DDX17: variants seen among roughly 807,000 people sequenced by gnomAD.
DDX17 encodes the protein probable ATP-dependent RNA helicase DDX17.
Under a neutral mutation model 80.8 loss-of-function variants are expected in DDX17, and 10 were observed. The observed-to-expected ratio is 0.12, with a 90% CI of 0.08 to 0.21. DDX17 has a LOEUF of 0.21. Ranked by LOEUF, DDX17 falls within the 10% of genes least tolerant of loss-of-function variation. The pLI, the probability that DDX17 is intolerant of heterozygous loss-of-function variation, is 1.00. For synonymous variants in DDX17, 339 were observed against 336.2 expected, an observed-to-expected ratio of 1.01 and a Z score of -0.09; for missense variants, 586 against 957.4, an observed-to-expected ratio of 0.61 and a Z score of 5.12.
intron 2 of DDX17, among the ~76,000 whole-genome samples, chr22:38,500,576 AG>A (rs2089817553): frequency 1.3e-5 from 2 of 152,008 alleles, no homozygotes; most frequent in Admixed American, 6.6e-5. Context: ...TGAGAGGCTG[AG>A]GCAGGTCGAT....
Position 38,489,970 on chromosome 22 carries a change from C to T in DDX17, c.1448-1855G>A. 3 of 1,012,264 alleles carry T rather than the reference C, an allele frequency of 3.0e-6. No individual in the cohort carries two copies. The highest frequency in any genetic ancestry group is 3.5e-6 in the Non-Finnish European group (3 of 845,518). The allele number at this position is 1,012,264 out of a possible 1,614,324, so 62.7% of individuals were successfully genotyped here. On this transcript the variant is annotated intron_variant, in intron 11 of 12. Coordinates refer to ENST00000403230, the MANE Select transcript of DDX17 (RefSeq NM_006386.5). The surrounding 1 kb of genome is among the most constrained non-coding windows in gnomAD (Gnocchi z 4.6). ...TACTACACTGGATGCGTTAAGTGTG[C>T]TTTCCTAGCAGAAAGCACCAGGGTG...
Position 38,486,408 on chromosome 22 carries a change from C to T in DDX17, c.1717G>A (p.Ala573Thr). The T allele has an allele frequency of 6.2e-7, 1 of 1,611,500 alleles. No individual in the cohort carries two copies. Among genetic ancestry groups the T allele is most frequent in the Non-Finnish European group, 8.5e-7 (1 of 1,178,760 alleles). The change falls in exon 13 of 13, where the codon GCC becomes ACC. Residue 573 changes from alanine to threonine, a missense_variant. By Grantham distance (58) the Ala-to-Thr change is moderately conservative. This residue lies in a region of DDX17 where 221 missense variants were observed against 261.4 expected (regional missense o/e 0.85). Transcript: ENST00000403230. ...TGATACATCAGATTGGGATTGTTGG[C>T]TGAAGAAGTGGTCCGGTAACGAGAA...
At chr22:38,488,512 G>A (rs962159187) in intron 11 of DDX17, 2 of 1,051,632 alleles carry the variant, frequency 1.9e-6, no homozygotes, top group South Asian at 3.4e-5. Flanking sequence ...GAAGTTATGA[G>A]GCCAAATCAC....
At chr22:38,496,071 A>C in intron 5 of DDX17, 134 bp from the exon 6 acceptor site, 1 of 753,358 alleles carries the variant, frequency 1.3e-6, no homozygotes, top group Non-Finnish European at 1.9e-6. Context: ...TGATGGGGTG[A>C]AGATCAGAAG....
chr22:38,494,568 T>G lies in DDX17; in HGVS notation c.1214+62A>C, dbSNP rs995246851. 3.3e-6 allele frequency: 5 copies of G among 1,520,966 alleles called. No individual in the cohort carries two copies. The African/African-American group carries it at 6.9e-5, about 21-fold the overall frequency. The allele number at this position is 1,520,966 out of a possible 1,614,324, so 94.2% of individuals were successfully genotyped here. ...TATACTGGTTTCTACAGTACTAATT[T>G]TGGAGGGTTATTAGAAAAGGTTTAT... On this transcript the variant is annotated intron_variant, in intron 8 of 12. Transcript: ENST00000403230.
intron 11 of DDX17, chr22:38,490,668 CT>C (rs765985866): frequency 3.0e-5 from 10 of 337,274 alleles, no homozygotes; most frequent in Non-Finnish European, 5.7e-5. Flanking sequence ...AATTGCACCC[CT>C]GTCTATGAGG....
intron 5 of DDX17, among the ~76,000 whole-genome samples, chr22:38,496,915 A>G (rs568732912): frequency 4.6e-5 from 7 of 152,348 alleles, no homozygotes; most frequent in East Asian, 1.9e-4. Flanking sequence ...ACTATGTATT[A>G]TAAGTACTGC....
At chr22:38,496,110 A>G (rs1014398919) in intron 5 of DDX17, among the ~76,000 whole-genome samples, 173 bp from the exon 6 acceptor site, 3 of 152,166 alleles carry the variant, frequency 2.0e-5, no homozygotes, top group Non-Finnish European at 4.4e-5. Context: ...TGGAATATAG[A>G]AAAAAATTAT....
rs2145718447 is a variant in DDX17 at position 38,506,262 on chromosome 22, G to A, written c.-25C>T. The A allele has an allele frequency of 1.9e-6, 3 of 1,579,436 alleles. No homozygotes were observed. The highest frequency in any genetic ancestry group is 1.1e-5 in the South Asian group (1 of 87,048). ...GGTTTGGCTACGCTCAAACCGGGCA[G>A]TGCCGCGGTTTAGGCGTCTCCTTCC... On this transcript the variant is annotated 5_prime_UTR_variant, in exon 1 of 13. Transcript: ENST00000403230.
Position 38,484,957 on chromosome 22 carries a change from GCTCTA to G in DDX17, c.*973_*977del, listed in dbSNP as rs2089640055. ...GTGGCAAAGAGTTGCTTTTAATCTA[GCTCTA>G]CACTGCATTTGAAAATAAAATTTGC... On this transcript the variant is annotated 3_prime_UTR_variant, in exon 13 of 13. Transcript: ENST00000403230. 6.6e-6 allele frequency: 1 copy of G among 152,194 alleles called. No homozygotes were observed. Among genetic ancestry groups the G allele is most frequent in the African/African-American group, 2.4e-5 (1 of 41,440 alleles). 9.4% of individuals were successfully genotyped at this position (152,194 alleles called of 1,614,324 possible).
In DDX17 at chr22:38,489,426, G is replaced by A; in HGVS notation, c.1448-1311C>T. 3.0e-6 allele frequency: 3 copies of A among 985,774 alleles called. No individual in the cohort carries two copies. Among genetic ancestry groups the A allele is most frequent in the Non-Finnish European group, 3.6e-6 (3 of 829,922 alleles). 61.1% of individuals were successfully genotyped at this position (985,774 alleles called of 1,614,324 possible). On this transcript the variant is annotated intron_variant, in intron 11 of 12. Transcript: ENST00000403230. The surrounding 1 kb of genome is among the most constrained non-coding windows in gnomAD (Gnocchi z 4.6). The stretch of plus-strand genomic sequence containing the variant: ...TGTGAACTGGCTTAGATGCTTCTCT[G>A]TAGCCCCATTTGGTTGCCAAGCGCC...
chr22:38,489,466 C>T lies in DDX17; in HGVS notation c.1448-1351G>A, dbSNP rs746758967. On this transcript the variant is annotated intron_variant, in intron 11 of 12. Coordinates refer to ENST00000403230, the MANE Select transcript of DDX17 (RefSeq NM_006386.5). This position sits in a 1 kb window ranked among gnomAD's most constrained non-coding sequence, Gnocchi z 4.6. ...TGCCAAGCGCCGGAGAACCTGGGTTCGGGTAAAAATTTCAGGTCCTCCAAC... is the reference window on the plus strand; with the variant it reads ...TGCCAAGCGCCGGAGAACCTGGGTTTGGGTAAAAATTTCAGGTCCTCCAAC... 7 of 985,358 alleles carry T rather than the reference C, an allele frequency of 7.1e-6. No individual in the cohort carries two copies. Among genetic ancestry groups the T allele is most frequent in the Middle Eastern group, 5.2e-4 (1 of 1,936 alleles). The allele number at this position is 985,358 out of a possible 1,614,324, so 61.0% of individuals were successfully genotyped here.
In DDX17 at chr22:38,486,984, A is replaced by G. The variant is rs561131165; in HGVS notation, c.1685-544T>C. On this transcript the variant is annotated intron_variant, in intron 12 of 12. Coordinates refer to ENST00000403230, the MANE Select transcript of DDX17 (RefSeq NM_006386.5). ...GGTCAGCAGTTCAAGACCAGCCAACATGGTGAAACCCTGTCTCTACAAAAA... is the reference window on the plus strand; with the variant it reads ...GGTCAGCAGTTCAAGACCAGCCAACGTGGTGAAACCCTGTCTCTACAAAAA... 3.9e-5 allele frequency among the ~76,000 whole-genome samples: 6 copies of G among 152,316 alleles called. No individual in the cohort carries two copies. In the South Asian group the frequency reaches 8.3e-4, roughly 21 times the overall value.
At chr22:38,494,371 T>G (rs1469671868) in intron 8 of DDX17, 1 of 590,786 alleles carries the variant, frequency 1.7e-6, no homozygotes, top group East Asian at 2.9e-5. Flanking sequence ...ATGAAGAAAC[T>G]GCAGCACCAA....
rs2089651366 is a variant in DDX17 at position 38,485,836 on chromosome 22, A to G, written c.*99T>C. ...AAAAATTAAAAAAAAAAAAAGAAAA[A>G]AGGAAAAAAAAAGAAAAGGCGAAGA... On this transcript the variant is annotated 3_prime_UTR_variant, in exon 13 of 13. Transcript: ENST00000403230. 1.4e-6 allele frequency: 2 copies of G among 1,419,538 alleles called. No individual in the cohort carries two copies. Among genetic ancestry groups the G allele is most frequent in the Non-Finnish European group, 1.8e-6 (2 of 1,088,798 alleles). The allele number at this position is 1,419,538 out of a possible 1,614,324, so 87.9% of individuals were successfully genotyped here.
In DDX17 at chr22:38,506,310, G is replaced by A. The variant is rs1047270091; in HGVS notation, c.-73C>T. On this transcript the variant is annotated 5_prime_UTR_variant, in exon 1 of 13. Transcript: ENST00000403230. The stretch of plus-strand genomic sequence containing the variant: ...TCCTTCCCAGCGACTGCACAAAATG[G>A]CGGCCGCCGCTGAGTCGGCTCCAAC... 6.1e-6 allele frequency: 9 copies of A among 1,469,134 alleles called. No homozygotes were observed. The highest frequency in any genetic ancestry group is 8.1e-6 in the Non-Finnish European group (9 of 1,109,478). 91.0% of individuals were successfully genotyped at this position (1,469,134 alleles called of 1,614,324 possible).
intron 1 of DDX17, among the ~76,000 whole-genome samples, chr22:38,504,151 C>T (rs1437181702): frequency 6.6e-6 from 1 of 152,212 alleles, no homozygotes; most frequent in Non-Finnish European, 1.5e-5. Flanking sequence ...ATAACCACTA[C>T]CTTGAATTTT....
In DDX17 at chr22:38,493,711, A is replaced by G; in HGVS notation, c.1386T>C (p.Asn462=). The G allele has an allele frequency of 1.2e-6, 2 of 1,611,426 alleles. No homozygotes were observed. Among genetic ancestry groups the G allele is most frequent in the South Asian group, 1.1e-5 (1 of 91,026 alleles). Reference sequence around the variant, plus strand: ...GAAAATGCTTAGTTTTAAACTTACCATTAAGTACCCAATCTCTTTCTGGTT... The same window carrying G: ...GAAAATGCTTAGTTTTAAACTTACCGTTAAGTACCCAATCTCTTTCTGGTT... The change falls in exon 10 of 13, where the codon AAT becomes AAC. Residue 462 remains asparagine, a splice_region_variant and synonymous_variant. Transcript: ENST00000403230.
intron 1 of DDX17, 147 bp downstream of exon 1, chr22:38,505,804 G>A: frequency 9.5e-7 from 1 of 1,049,186 alleles, no homozygotes; most frequent in Non-Finnish European, 1.3e-6. Flanking sequence ...CGAGGTCCGC[G>A]CACGAAACCG....
Sources: gnomAD v4.1 joint callset for allele counts (sites outside exome capture counted in the v4.1 genomes callset) on GRCh38, gnomAD v4.1.1 for gene constraint, gnomAD v4.1.1 regional missense constraint, Gnocchi (gnomAD v3.1) non-coding constraint, MANE v1.5 for transcripts, NCBI Gene and HGNC (gene_info 2026-07-23, HGNC 2026-07-21) for gene names.